Variants in MAP4K4 observed in about 807,000 individuals in gnomAD.
MAP4K4 encodes the protein mitogen-activated protein kinase kinase kinase kinase 4, also known as HPK/GCK-like kinase HGK.
A neutral mutation model predicts 189.6 loss-of-function variants in MAP4K4; 38 were observed. That is an observed-to-expected ratio of 0.20 (90% CI 0.15 to 0.26). MAP4K4 has a LOEUF of 0.26. Among genes scored for constraint, MAP4K4 ranks in the 10% least tolerant of loss-of-function variants. The probability of loss-of-function intolerance (pLI) is 1.00; values close to 1 mark genes in which losing one functional copy is unlikely to be tolerated. For synonymous variants in MAP4K4, 610 were observed against 624.3 expected (o/e 0.98, Z 0.34); for missense variants, 1,054 against 1,726.9 (o/e 0.61, Z 6.91).
chr2:101,731,495 A>G lies in MAP4K4; in HGVS notation c.123+32957A>G, dbSNP rs186283320. On this transcript the variant is annotated intron_variant, in intron 2 of 32. Transcript: ENST00000324219. Reference sequence around the variant, plus strand: ...TGAAATGGGCTGGGGGTGGTGGCTCACGCCTGTAATCCAAGCACTTTGGGA... The same window carrying G: ...TGAAATGGGCTGGGGGTGGTGGCTCGCGCCTGTAATCCAAGCACTTTGGGA... Among the ~76,000 whole-genome samples, 530 of 152,292 alleles carry G rather than the reference A, an allele frequency of 3.5e-3. 2 individuals carry two copies. The highest frequency in any genetic ancestry group is 0.012 in the African/African-American group (515 of 41,578).
chr2:101,759,353 G>A (rs2074580421), intron 2 of MAP4K4, among the ~76,000 whole-genome samples: 1 of 151,900 alleles, frequency 6.6e-6, no homozygotes, highest in East Asian at 1.9e-4. Flanking sequence ...CCTCTGAGTT[G>A]GCGGTCCTGA....
chr2:101,860,662 C>T, intron 15 of MAP4K4, 163 bp from the exon 16 acceptor site: 1 of 590,984 alleles, frequency 1.7e-6, no homozygotes, highest in Non-Finnish European at 2.9e-6. Flanking sequence ...CTAATCCTAG[C>T]ACTGCTTTAT....
intron 2 of MAP4K4, among the ~76,000 whole-genome samples, chr2:101,756,694 G>C (rs957115664): frequency 1.5e-4 from 23 of 151,388 alleles, no homozygotes; most frequent in African/African-American, 5.6e-4. Context: ...AGCTGGGACT[G>C]CAGGCGCGCA....
chr2:101,828,911 G>A (rs186379367), intron 5 of MAP4K4, among the ~76,000 whole-genome samples: 144 of 152,304 alleles, frequency 9.5e-4, no homozygotes, highest in African/African-American at 3.4e-3. Context: ...ATCAAAAAGT[G>A]TTATATGCCC....
intron 3 of MAP4K4, among the ~76,000 whole-genome samples, chr2:101,819,983 C>T (rs2095944736): frequency 6.6e-6 from 1 of 152,096 alleles, no homozygotes; most frequent in South Asian, 2.1e-4. Context: ...AGTTTTCACA[C>T]CGGTGGACAA....
chr2:101,765,955 A>G (rs1391161336), intron 2 of MAP4K4, among the ~76,000 whole-genome samples: 6 of 152,070 alleles, frequency 3.9e-5, no homozygotes, highest in East Asian at 1.9e-4. Flanking sequence ...TGCTTGTTTC[A>G]TCTTTAAAAA....
At chr2:101,892,917 G>A (rs1449033538) in exon 33 of MAP4K4, 8 of 456,278 alleles carry the variant, frequency 1.8e-5, no homozygotes, top group East Asian at 6.9e-5. Context: ...CTCTTGTCGA[G>A]TTCTGAGTGG....
Position 101,887,024 on chromosome 2 carries a change from C to CAAAA in MAP4K4, c.3622-47_3622-44dup, listed in dbSNP as rs569902749. On this transcript the variant is annotated intron_variant, in intron 29 of 32. Coordinates refer to ENST00000324219, the Ensembl canonical transcript of MAP4K4. Reference sequence around the variant, plus strand: ...TGGGTGACAGAGCGAGACTCCGTCTCAAAAAAAAAAAAAAAAAAAATGTTC... The same window carrying CAAAA: ...TGGGTGACAGAGCGAGACTCCGTCTCAAAAAAAAAAAAAAAAAAAAAAAATGTTC... 1.9e-3 allele frequency: 1,609 copies of CAAAA among 847,200 alleles called. 25 individuals are homozygous for CAAAA. The African/African-American group carries it at 0.032, about 17-fold the overall frequency. The allele number at this position is 847,200 out of a possible 1,614,324, so 52.5% of individuals were successfully genotyped here. A position where few individuals can be genotyped will look rare whatever the true frequency, so the allele number is the denominator to read the frequency against.
intron 6 of MAP4K4, among the ~76,000 whole-genome samples, chr2:101,829,924 C>T (rs2096542404): frequency 6.6e-6 from 1 of 152,152 alleles, no homozygotes; most frequent in Non-Finnish European, 1.5e-5. Flanking sequence ...CATAAAAAGC[C>T]ATGTAGGATC....
chr2:101,785,287 A>G (rs2090058064), intron 2 of MAP4K4, among the ~76,000 whole-genome samples: 1 of 152,208 alleles, frequency 6.6e-6, no homozygotes, highest in African/African-American at 2.4e-5. Flanking sequence ...TATGAATGGA[A>G]AAAGTGCTGT....
intron 2 of MAP4K4, among the ~76,000 whole-genome samples, chr2:101,778,478 A>T (rs1409552563): frequency 6.6e-6 from 1 of 151,254 alleles, no homozygotes; most frequent in Non-Finnish European, 1.5e-5. Context: ...CAGCATGCAG[A>T]AGGTATCTTG....
At chr2:101,821,256 A>G (rs946565842) in intron 3 of MAP4K4, among the ~76,000 whole-genome samples, 1 of 152,230 alleles carries the variant, frequency 6.6e-6, no homozygotes, top group African/African-American at 2.4e-5. Flanking sequence ...TCATCTGTCA[A>G]AGTCACATGA....
intron 2 of MAP4K4, among the ~76,000 whole-genome samples, chr2:101,763,704 G>C (rs2150218345): frequency 1.3e-5 from 2 of 152,322 alleles, no homozygotes; most frequent in Middle Eastern, 6.8e-3. Flanking sequence ...GAAGCTCAGG[G>C]AGATGAACTA....
intron 20 of MAP4K4, 36 bp from the exon 21 acceptor site, chr2:101,867,993 G>A: frequency 6.2e-6 from 10 of 1,612,488 alleles, no homozygotes; most frequent in Non-Finnish European, 8.5e-6. Context: ...ATCAACGATG[G>A]CTTCTCGGAC....
At chr2:101,794,898 T>A (rs1196159632) in intron 3 of MAP4K4, among the ~76,000 whole-genome samples, 1 of 152,226 alleles carries the variant, frequency 6.6e-6, no homozygotes, top group African/African-American at 2.4e-5. Flanking sequence ...CTGGATTTGA[T>A]GGTTTCCTCA....
chr2:101,784,531 T>C (rs2089650505), intron 2 of MAP4K4, among the ~76,000 whole-genome samples: 1 of 152,082 alleles, frequency 6.6e-6, no homozygotes, highest in South Asian at 2.1e-4. Context: ...AAAGGAAGCA[T>C]TAATTTATGA....
At chr2:101,842,415 G>T (rs2096949728) in intron 10 of MAP4K4, among the ~76,000 whole-genome samples, 194 bp from the exon 11 acceptor site, 1 of 152,152 alleles carries the variant, frequency 6.6e-6, no homozygotes, top group African/African-American at 2.4e-5. Flanking sequence ...GGGGAGTAAG[G>T]CTGACCAGGG....
intron 2 of MAP4K4, among the ~76,000 whole-genome samples, chr2:101,704,976 TG>T (rs2041517868): frequency 6.6e-6 from 1 of 152,116 alleles, no homozygotes; most frequent in African/African-American, 2.4e-5. Flanking sequence ...TAATAAGAGT[TG>T]GTGAGTATTA....
At chr2:101,828,201 A>T (rs1052268448) in intron 5 of MAP4K4, among the ~76,000 whole-genome samples, 1 of 152,230 alleles carries the variant, frequency 6.6e-6, no homozygotes, top group Non-Finnish European at 1.5e-5. Flanking sequence ...GTTGGACAAG[A>T]TGTGGGTGCT....
Sources: gnomAD v4.1 joint callset for allele counts (sites outside exome capture counted in the v4.1 genomes callset) on GRCh38, gnomAD v4.1.1 for gene constraint, MANE v1.5 for transcripts, NCBI Gene and HGNC (gene_info 2026-07-23, HGNC 2026-07-21) for gene names.